MSH4: variants seen among roughly 807,000 people sequenced by gnomAD.
MSH4 encodes mutS protein homolog 4.
A neutral mutation model predicts 113.7 loss-of-function variants in MSH4; 106 were observed. The observed-to-expected ratio is 0.93, with a 90% confidence interval of 0.80 to 1.10. The LOEUF (loss-of-function observed/expected upper bound fraction) is 1.10, where lower values mean the gene tolerates loss of function less well. MSH4 is among the 50% of genes least tolerant of loss of function. The pLI, the probability that MSH4 is intolerant of heterozygous loss-of-function variation, is 0.00. For missense variants in MSH4, 1,061 were observed against 1,093.7 expected (o/e 0.97, Z 0.42); for synonymous variants, 368 against 380.2 (o/e 0.97, Z 0.37).
At chr1:75,808,141 A>T (rs1214396707) in intron 3 of MSH4, among the ~76,000 whole-genome samples, 1 of 152,212 alleles carries the variant, frequency 6.6e-6, no homozygotes, top group Non-Finnish European at 1.5e-5. Context: ...GCAACTGTGT[A>T]TGTGGTGACC....
chr1:75,827,347 T>A (rs35416402), intron 7 of MSH4, among the ~76,000 whole-genome samples: 10,991 of 152,050 alleles, frequency 0.072, 525 homozygotes, highest in African/African-American at 0.13. Context: ...GCATTAAATA[T>A]GGAAAGGAAA....
chr1:75,871,859 G>T (rs1339736140), intron 9 of MSH4, among the ~76,000 whole-genome samples: 2 of 152,206 alleles, frequency 1.3e-5, no homozygotes, highest in Non-Finnish European at 2.9e-5. Context: ...ATTACAGGAA[G>T]AGACTATTTG....
At chr1:75,802,857 C>A (rs1370700554) in intron 1 of MSH4, among the ~76,000 whole-genome samples, 1 of 152,118 alleles carries the variant, frequency 6.6e-6, no homozygotes, top group Non-Finnish European at 1.5e-5. Flanking sequence ...TAGTGAGGGT[C>A]TTTGTGCTGG....
intron 6 of MSH4, among the ~76,000 whole-genome samples, chr1:75,821,620 CT>C (rs1294197967): frequency 1.3e-5 from 2 of 152,016 alleles, no homozygotes; most frequent in Non-Finnish European, 2.9e-5. Context: ...TATCTAAAAA[CT>C]TTTTTTGCGA....
intron 9 of MSH4, among the ~76,000 whole-genome samples, chr1:75,870,899 C>T (rs1286420527): frequency 6.6e-6 from 1 of 152,072 alleles, no homozygotes; most frequent in African/African-American, 2.4e-5. Flanking sequence ...TGAGAGATTT[C>T]ATGAAACACA....
At chr1:75,870,236 C>T (rs563349896) in intron 9 of MSH4, among the ~76,000 whole-genome samples, 128 of 152,296 alleles carry the variant, frequency 8.4e-4, no homozygotes, top group Non-Finnish European at 1.5e-3. Flanking sequence ...AATGCCTGTA[C>T]CCCAATTGTA....
At chr1:75,875,113 C>T (rs1028576269) in intron 9 of MSH4, among the ~76,000 whole-genome samples, 2 of 152,018 alleles carry the variant, frequency 1.3e-5, no homozygotes, top group African/African-American at 2.4e-5. Flanking sequence ...ACACTGGTAT[C>T]GAACTCCTGA....
intron 17 of MSH4, among the ~76,000 whole-genome samples, chr1:75,895,861 A>T (rs1051059370): frequency 6.6e-6 from 1 of 152,098 alleles, no homozygotes; most frequent in Non-Finnish European, 1.5e-5. Context: ...TCATTTGTAG[A>T]TTAAGTGTGG....
At position 75,889,314 on chromosome 1, in the gene MSH4, G is replaced by C. The variant is rs1482528435; in HGVS notation, c.2171G>C (p.Ser724Thr). 5.2e-6 allele frequency: 8 copies of C among 1,541,814 alleles called. No individual in the cohort carries two copies. The highest frequency in any genetic ancestry group is 2.4e-5 in the East Asian group (1 of 42,428). ...RIAKQIFTRISTDDDIETNSS... is the reference protein window; with the variant it reads ...RIAKQIFTRITTDDDIETNSS... The stretch of plus-strand genomic sequence containing the variant: ...GCTAAACAGATTTTTACAAGAATTA[G>C]TACTGATGATGATATCGAAACAAAT... The change falls in exon 16 of 20, where the codon AGT (serine) becomes ACT (threonine). Residue 724 changes from serine to threonine, a missense_variant. Ser to Thr is a moderately conservative substitution (Grantham distance 58). Transcript: ENST00000263187.
At chr1:75,812,936 G>T (rs1217194707) in intron 4 of MSH4, among the ~76,000 whole-genome samples, 1 of 152,130 alleles carries the variant, frequency 6.6e-6, no homozygotes, top group Non-Finnish European at 1.5e-5. Context: ...AGTCTTTATA[G>T]GCCAGTTGGA....
intron 1 of MSH4, among the ~76,000 whole-genome samples, chr1:75,798,987 ACT>A (rs770780720): frequency 2.0e-5 from 3 of 152,104 alleles, no homozygotes; most frequent in Non-Finnish European, 4.4e-5. Flanking sequence ...AAAAGATCAA[ACT>A]CTCTAGAAGG....
At chr1:75,894,244 C>G (rs534378740) in intron 17 of MSH4, among the ~76,000 whole-genome samples, 1 of 152,166 alleles carries the variant, frequency 6.6e-6, no homozygotes, top group Non-Finnish European at 1.5e-5. Context: ...ACTCAGCCAC[C>G]AAGGACAAGG....
At chr1:75,800,223 T>C (rs1335160383) in intron 1 of MSH4, among the ~76,000 whole-genome samples, 2 of 152,130 alleles carry the variant, frequency 1.3e-5, no homozygotes, top group Non-Finnish European at 2.9e-5. Context: ...ATGGAGCACA[T>C]TTTATGCTGG....
At chr1:75,878,961 TG>T (rs750423302) in intron 11 of MSH4, 30 bp from the exon 12 acceptor site, 2 of 1,574,280 alleles carry the variant, frequency 1.3e-6, no homozygotes, top group Non-Finnish European at 1.7e-6. Context: ...CATTTTGTTT[TG>T]TTTTTGTTTT....
At chr1:75,869,518 T>C (rs12723575) in intron 9 of MSH4, among the ~76,000 whole-genome samples, 114,516 of 152,018 alleles carry the variant, frequency 0.75, 43,275 homozygotes, top group East Asian at 0.98. Context: ...GGCCCAGAGA[T>C]CTAGGAGGAA....
intron 8 of MSH4, among the ~76,000 whole-genome samples, chr1:75,861,917 G>A (rs1651463873): frequency 6.6e-6 from 1 of 152,132 alleles, no homozygotes; most frequent in Non-Finnish European, 1.5e-5. Context: ...AGCTGCAGTG[G>A]GCTCCACCTA....
chr1:75,824,401 A>C (rs1214479745), intron 7 of MSH4, among the ~76,000 whole-genome samples: 1 of 151,570 alleles, frequency 6.6e-6, no homozygotes, highest in Non-Finnish European at 1.5e-5. Context: ...GATTGTAAAA[A>C]TTTTCTCCCA....
At position 75,889,255 on chromosome 1, in the gene MSH4, A is replaced by T. The variant is rs1383211942; in HGVS notation, c.2112A>T (p.Ser704=). 7.2e-7 allele frequency: 1 copy of T among 1,379,552 alleles called. No homozygotes were observed. Among genetic ancestry groups the T allele is most frequent in the African/African-American group, 1.5e-5 (1 of 68,926 alleles). 85.5% of individuals were successfully genotyped at this position (1,379,552 alleles called of 1,614,324 possible). The stretch of plus-strand genomic sequence containing the variant: ...TCTTGACCTTATATTTTACAGGATC[A>T]TATGTTCCAGCAGAATATTCTTCCT... ...ALCQIMAQIG[S]YVPAEYSSFR... Residue 704 remains serine (S), a synonymous_variant, in exon 16 of 20, where the codon TCA becomes TCT. Coordinates refer to ENST00000263187, the MANE Select transcript of MSH4 (RefSeq NM_002440.4).
At chr1:75,852,961 T>G (rs1651220771) in intron 8 of MSH4, among the ~76,000 whole-genome samples, 1 of 152,170 alleles carries the variant, frequency 6.6e-6, no homozygotes, top group Non-Finnish European at 1.5e-5. Context: ...CAGTTTTAGT[T>G]AGATCAAAAT....
Sources: gnomAD v4.1 joint callset for allele counts (sites outside exome capture counted in the v4.1 genomes callset) on GRCh38, gnomAD v4.1.1 for gene constraint, MANE v1.5 for transcripts, NCBI Gene and HGNC (gene_info 2026-07-23, HGNC 2026-07-21) for gene names.